Variants in SPTBN2 observed in about 807,000 individuals in gnomAD.
SPTBN2 encodes spectrin beta, non-erythrocytic 2.
SPTBN2 carries 107 observed loss-of-function variants against 284.2 expected under a neutral mutation model. The observed-to-expected ratio is 0.38, with a 90% CI of 0.32 to 0.44. SPTBN2 has a LOEUF of 0.44. SPTBN2 is among the 20% of genes least tolerant of loss of function. The pLI is 1.00. For synonymous variants in SPTBN2, 1,289 were observed against 1,354.8 expected (o/e 0.95, Z 1.07); for missense variants, 2,569 against 3,287.1 (o/e 0.78, Z 5.34).
chr11:66,705,708 G>A lies in SPTBN2; in HGVS notation c.1783C>T (p.Leu595=), dbSNP rs1941510392. ...CCTTTCCCTGGGTTGCAGAAGCGCA[G>A]GGCAGAGGCGCTGACGGCCCGCACC... ...ERVRAVSASA[L]RFCNPGKEYR... Residue 595 remains leucine (L), a synonymous_variant, in exon 14 of 38, where the codon CTG becomes TTG. Transcript: ENST00000533211. 1.9e-6 allele frequency: 3 copies of A among 1,612,050 alleles called. No individual in the cohort carries two copies. The Admixed American group carries it at 5.0e-5, about 27-fold the overall frequency.
chr11:66,706,215 G>A (rs564204378), intron 13 of SPTBN2, among the ~76,000 whole-genome samples: 10 of 152,256 alleles, frequency 6.6e-5, no homozygotes, highest in South Asian at 2.1e-4. Context: ...AACCTCTAAC[G>A]GTCTCGCTGT....
Position 66,687,672 on chromosome 11 carries a change from CA to C in SPTBN2, c.6502-26del. The C allele has an allele frequency of 6.3e-7, 1 of 1,579,850 alleles. No individual in the cohort carries two copies. ...CCTGGGGGGGAATCAGTGTCAGTGT[CA>C]AAGGTTGAGACGGGAGATCCCTAAC... is the stretch of plus-strand genomic sequence containing the variant. On this transcript the variant is annotated intron_variant, in intron 34 of 37. Coordinates refer to ENST00000533211, the MANE Select transcript of SPTBN2 (RefSeq NM_006946.4). The surrounding 1 kb of genome is among the most constrained non-coding windows in gnomAD (Gnocchi z 5.2).
Position 66,685,868 on chromosome 11 carries a change from CA to C in SPTBN2, c.*2del, listed in dbSNP as rs763636642. On this transcript the variant is annotated 3_prime_UTR_variant, in exon 38 of 38. Coordinates refer to ENST00000533211, the MANE Select transcript of SPTBN2 (RefSeq NM_006946.4). The surrounding 1 kb of genome is among the most constrained non-coding windows in gnomAD (Gnocchi z 4.4). ...GGGAGTTGGCCTGGGACCTTGCCCCCAACTACTTGTTCTTCTTAAAGAAGCT... is the reference window on the plus strand; with the variant it reads ...GGGAGTTGGCCTGGGACCTTGCCCCCACTACTTGTTCTTCTTAAAGAAGCT... 1.5e-5 allele frequency: 25 copies of C among 1,613,460 alleles called. No individual in the cohort carries two copies. The Admixed American group carries it at 2.0e-4, about 13-fold the overall frequency.
intron 29 of SPTBN2, chr11:66,689,456 T>C: frequency 3.8e-6 from 2 of 530,208 alleles, no homozygotes; most frequent in Non-Finnish European, 6.8e-6. Context: ...GTGTTTTTAG[T>C]GGAAACGGGG....
chr11:66,693,008 G>A lies in SPTBN2; in HGVS notation c.4947C>T (p.Ala1649=). The change falls in exon 25 of 38, where the codon GCC becomes GCT. Residue 1649 remains alanine (A), a synonymous_variant. Coordinates refer to ENST00000533211, the MANE Select transcript of SPTBN2 (RefSeq NM_006946.4). The surrounding 1 kb of genome is among the most constrained non-coding windows in gnomAD (Gnocchi z 5.7). The part of the protein sequence containing the change: ...DYAQTIHQLA[A]SSQDMIDHEH... ...CGTGGTCAATCATGTCCTGGCTGCT[G>A]GCCGCCAGCTGGTGGATGGTCTGCG... is the stretch of plus-strand genomic sequence containing the variant. The A allele has an allele frequency of 6.2e-7, 1 of 1,610,620 alleles. No individual in the cohort carries two copies. The highest frequency in any genetic ancestry group is 8.5e-7 in the Non-Finnish European group (1 of 1,179,996).
At position 66,710,839 on chromosome 11, in the gene SPTBN2, C is replaced by T; in HGVS notation, c.886-70G>A. 1.2e-6 allele frequency: 2 copies of T among 1,609,442 alleles called. No individual in the cohort carries two copies. The highest frequency in any genetic ancestry group is 8.5e-7 in the Non-Finnish European group (1 of 1,176,446). Reference sequence around the variant, plus strand: ...CCCTGGCCCAGTCCTGCAGCTCCACCCTGCCCTTGCACTAGGGCAGTAAGA... The same window carrying T: ...CCCTGGCCCAGTCCTGCAGCTCCACTCTGCCCTTGCACTAGGGCAGTAAGA... On this transcript the variant is annotated intron_variant, in intron 9 of 37. Coordinates refer to ENST00000533211, the MANE Select transcript of SPTBN2 (RefSeq NM_006946.4). The surrounding 1 kb of genome is among the most constrained non-coding windows in gnomAD (Gnocchi z 4.9).
At chr11:66,737,251 T>C (rs1942856815) in intron 1 of SPTBN2, among the ~76,000 whole-genome samples, 1 of 152,194 alleles carries the variant, frequency 6.6e-6, no homozygotes. Context: ...ATTCTTCAGT[T>C]TATGAAAGAA....
Position 66,715,378 on chromosome 11 carries a change from G to A in SPTBN2, c.327C>T (p.Gly109=), listed in dbSNP as rs1345299869. 1 of 1,613,292 alleles carries A rather than the reference G, an allele frequency of 6.2e-7. No individual in the cohort carries two copies. Among genetic ancestry groups the A allele is most frequent in the African/African-American group, 1.3e-5 (1 of 74,928 alleles). Residue 109 remains glycine (G), a synonymous_variant, in exon 5 of 38, where the codon GGC becomes GGT. Transcript: ENST00000533211. The surrounding 1 kb of genome is among the most constrained non-coding windows in gnomAD (Gnocchi z 5.3). The part of the protein sequence containing the change: ...SGEILPKPTK[G]RMRIHCLENV... ...TCTCCAGGCAGTGGATCCGCATGCG[G>A]CCCTTTGTAGGCTTTGGCTGTGGAG...
Position 66,685,559 on chromosome 11 carries a change from A to C in SPTBN2, c.*312T>G. Reference sequence around the variant, plus strand: ...GGGGCAGCCACTCCCCACATGGCCTATGTTGAGGGTGCGGCACTGTCCACA... The same window carrying C: ...GGGGCAGCCACTCCCCACATGGCCTCTGTTGAGGGTGCGGCACTGTCCACA... On this transcript the variant is annotated 3_prime_UTR_variant, in exon 38 of 38. Transcript: ENST00000533211. The surrounding 1 kb of genome is among the most constrained non-coding windows in gnomAD (Gnocchi z 4.4). The C allele has an allele frequency of 5.3e-6, 2 of 375,218 alleles. No homozygotes were observed. Among genetic ancestry groups the C allele is most frequent in the Non-Finnish European group, 5.0e-6 (1 of 198,734 alleles). 23.2% of individuals were successfully genotyped at this position (375,218 alleles called of 1,614,324 possible).
rs1263966941 is a variant in SPTBN2 at position 66,689,951 on chromosome 11, G to A, written c.5811-8C>T. The stretch of plus-strand genomic sequence containing the variant: ...TCCGCGGAGGACACATCCCTGGGGG[G>A]AGGCAGAAACAGCATCACCTGCTGC... On this transcript the variant is annotated splice_polypyrimidine_tract_variant and splice_region_variant and intron_variant, in intron 28 of 37. Transcript: ENST00000533211. 1.2e-6 allele frequency: 2 copies of A among 1,613,748 alleles called. No homozygotes were observed. The highest frequency in any genetic ancestry group is 1.7e-5 in the Admixed American group (1 of 60,006).
Position 66,690,210 on chromosome 11 carries a change from C to A in SPTBN2, c.5639G>T (p.Arg1880Leu), listed in dbSNP as rs35532855. Residue 1880 changes from arginine to leucine, a missense_variant, in exon 28 of 38, where the codon CGC becomes CTC. Transcript: ENST00000533211. ...GGCCTCGGCCACGGCCTGCATGTGG[C>A]GGCCGATCTCCTCAGCCTTGTCTCC... ...YAGDKAEEIG[R>L]HMQAVAEAWA... 1.9e-6 allele frequency: 3 copies of A among 1,613,742 alleles called. No individual in the cohort carries two copies. The highest frequency in any genetic ancestry group is 1.7e-6 in the Non-Finnish European group (2 of 1,179,898).
At chr11:66,702,220 G>T (rs1433142663) in intron 15 of SPTBN2, among the ~76,000 whole-genome samples, 1 of 152,240 alleles carries the variant, frequency 6.6e-6, no homozygotes, top group Admixed American at 6.5e-5. Context: ...AGGCTGGAGT[G>T]TAGTGGTGCA....
chr11:66,726,074 T>C (rs1052302826), intron 1 of SPTBN2, among the ~76,000 whole-genome samples: 4 of 152,250 alleles, frequency 2.6e-5, no homozygotes, highest in Non-Finnish European at 2.9e-5. Context: ...GGACAAGGGC[T>C]GTCTTACTCG....
Position 66,710,888 on chromosome 11 carries a change from C to A in SPTBN2, c.885+29G>T. ...GACCCCTCAGCCGGGCCTCCTCTGG[C>A]CTTTATGCCTACTGCCCATGGACAG... is the stretch of plus-strand genomic sequence containing the variant. On this transcript the variant is annotated intron_variant, in intron 9 of 37. Transcript: ENST00000533211. The surrounding 1 kb of genome is among the most constrained non-coding windows in gnomAD (Gnocchi z 4.9). The A allele has an allele frequency of 6.2e-7, 1 of 1,612,818 alleles. No homozygotes were observed. Among genetic ancestry groups the A allele is most frequent in the Non-Finnish European group, 8.5e-7 (1 of 1,178,802 alleles).
chr11:66,720,116 A>G (rs1942324643), intron 3 of SPTBN2, among the ~76,000 whole-genome samples: 1 of 152,140 alleles, frequency 6.6e-6, no homozygotes, highest in African/African-American at 2.4e-5. Flanking sequence ...CTGTATTTGT[A>G]AAAAACATCC....
In SPTBN2 at chr11:66,708,441, G is replaced by T. The variant is rs1446886488; in HGVS notation, c.1192-142C>A. On this transcript the variant is annotated intron_variant, in intron 11 of 37. Coordinates refer to ENST00000533211, the MANE Select transcript of SPTBN2 (RefSeq NM_006946.4). This position sits in a 1 kb window ranked among gnomAD's most constrained non-coding sequence, Gnocchi z 4.4. ...GTGAGACGCCTGGGCGTGGAAACAG[G>T]AAACAGGGCAGCGCTGGGAGTCTGT... 4 of 860,866 alleles carry T rather than the reference G, an allele frequency of 4.6e-6. No individual in the cohort carries two copies. Among genetic ancestry groups the T allele is most frequent in the Admixed American group, 5.9e-5 (2 of 33,976 alleles). The allele number at this position is 860,866 out of a possible 1,614,324, so 53.3% of individuals were successfully genotyped here.
At chr11:66,724,586 A>C (rs1427415331) in intron 1 of SPTBN2, among the ~76,000 whole-genome samples, 1 of 152,090 alleles carries the variant, frequency 6.6e-6, no homozygotes, top group Non-Finnish European at 1.5e-5. Flanking sequence ...TAACCATCTG[A>C]CCCTGTCTCC....
chr11:66,715,184 G>A lies in SPTBN2; in HGVS notation c.483+38C>T, dbSNP rs373598151. 1 of 1,613,608 alleles carries A rather than the reference G, an allele frequency of 6.2e-7. No individual in the cohort carries two copies. ...GAACGGCTTGCGGTGCAGAGCCAGG[G>A]CAGGAACCACACCCTGTGTGACAGT... On this transcript the variant is annotated intron_variant, in intron 5 of 37. Transcript: ENST00000533211. The surrounding 1 kb of genome is among the most constrained non-coding windows in gnomAD (Gnocchi z 5.3).
At position 66,692,690 on chromosome 11, in the gene SPTBN2, A is replaced by G; in HGVS notation, c.5036T>C (p.Leu1679Pro). The G allele has an allele frequency of 6.2e-7, 1 of 1,604,680 alleles. No individual in the cohort carries two copies. Reference protein sequence around the residue: ...QAQVDKLYAGLKELAGERRER... With the variant: ...QAQVDKLYAGPKELAGERRER... ...CCGCCGCTCTCCAGCCAGCTCCTTC[A>G]GGCCGGCATACAGCTTGTCCACCTG... The change falls in exon 26 of 38, where the codon CTG (leucine) becomes CCG (proline). Residue 1679 changes from leucine (L) to proline (P), a missense_variant. Around this residue, in one of 6 missense-constraint regions of SPTBN2, gnomAD observed 1,130 missense variants for 1,317.3 expected, o/e 0.86. Transcript: ENST00000533211.
Sources: gnomAD v4.1 joint callset for allele counts (sites outside exome capture counted in the v4.1 genomes callset) on GRCh38, gnomAD v4.1.1 for gene constraint, gnomAD v4.1.1 regional missense constraint, Gnocchi (gnomAD v3.1) non-coding constraint, MANE v1.5 for transcripts, NCBI Gene and HGNC (gene_info 2026-07-23, HGNC 2026-07-21) for gene names.